ATAD2B: variants seen among roughly 807,000 people sequenced by gnomAD.
ATAD2B encodes the protein ATPase family AAA domain containing 2B.
ATAD2B carries 40 observed loss-of-function variants against 167.6 expected under a neutral mutation model. That is an observed-to-expected ratio of 0.24 (90% confidence interval 0.19 to 0.31). The LOEUF is 0.31. Ranked by LOEUF, ATAD2B falls within the 10% of genes least tolerant of loss-of-function variation. The pLI, the probability that ATAD2B is intolerant of heterozygous loss-of-function variation, is 1.00. For synonymous variants in ATAD2B, 579 were observed against 596.5 expected (o/e 0.97, Z 0.43); for missense variants, 1,242 against 1,757.2 (o/e 0.71, Z 5.24).
chr2:23,775,736 C>A (rs1679004468), intron 22 of ATAD2B, among the ~76,000 whole-genome samples: 1 of 152,128 alleles, frequency 6.6e-6, no homozygotes, highest in Admixed American at 6.6e-5. Flanking sequence ...AGGGGCCCTC[C>A]TGGGCTCCTC....
the ATAD2B span, among the ~76,000 whole-genome samples, chr2:23,737,915 T>C: frequency 6.6e-6 from 1 of 152,256 alleles, no homozygotes; most frequent in Non-Finnish European, 1.5e-5. Context: ...GAAGCCTCAG[T>C]AGCCGATGCG....
At chr2:23,731,011 C>T in the ATAD2B span, among the ~76,000 whole-genome samples, 1 of 151,994 alleles carries the variant, frequency 6.6e-6, no homozygotes, top group Non-Finnish European at 1.5e-5. Flanking sequence ...AGATTACAAA[C>T]TTACAAAGAT....
At chr2:23,777,126 A>C (rs1679265359) in intron 22 of ATAD2B, among the ~76,000 whole-genome samples, 1 of 152,192 alleles carries the variant, frequency 6.6e-6, no homozygotes, top group Non-Finnish European at 1.5e-5. Context: ...GTGAGGACAC[A>C]GAGAGAAGGA....
chr2:23,827,234 G>A (rs980786477), intron 15 of ATAD2B, among the ~76,000 whole-genome samples: 1 of 151,698 alleles, frequency 6.6e-6, no homozygotes, highest in Admixed American at 6.6e-5. Flanking sequence ...CCCCACAGAG[G>A]GGAGGGAAAA....
At chr2:23,686,657 G>A in the ATAD2B span, among the ~76,000 whole-genome samples, 19 of 152,130 alleles carry the variant, frequency 1.2e-4, no homozygotes, top group Non-Finnish European at 2.8e-4. Flanking sequence ...GGGAGAGCTG[G>A]GGAGATGAGC....
intron 13 of ATAD2B, among the ~76,000 whole-genome samples, chr2:23,851,327 G>C (rs544738716): frequency 1.1e-4 from 16 of 152,254 alleles, no homozygotes; most frequent in African/African-American, 3.9e-4. Flanking sequence ...TTTTAGTAGA[G>C]ACACGGTTTT....
At position 23,838,893 on chromosome 2, in the gene ATAD2B, G is replaced by C. The variant is rs148279942; in HGVS notation, c.1569-4815C>G. Among the ~76,000 whole-genome samples the C allele has an allele frequency of 7.2e-5, 11 of 152,130 alleles. No individual in the cohort carries two copies. In the East Asian group the frequency reaches 2.1e-3, roughly 29 times the overall value. On this transcript the variant is annotated intron_variant, in intron 13 of 27. Coordinates refer to ENST00000238789, the MANE Select transcript of ATAD2B (RefSeq NM_017552.4). ...GAGGCCTTAATAACTAGTAGAGCAA[G>C]TGCTCCCACCTTATAGAAGAAAAGA...
intron 21 of ATAD2B, among the ~76,000 whole-genome samples, chr2:23,784,418 G>A (rs929707970): frequency 1.1e-4 from 16 of 151,948 alleles, no homozygotes; most frequent in Non-Finnish European, 2.4e-4. Flanking sequence ...AGAGCAGAAC[G>A]AACCTAAGAA....
chr2:23,818,095 TTACAC>T (rs1558590608), intron 17 of ATAD2B, among the ~76,000 whole-genome samples: 10 of 12,898 alleles, frequency 7.8e-4, no homozygotes, highest in South Asian at 2.7e-3. Context: ...CACACACACA[TTACAC>T]ACACACACAC....
chr2:23,725,802 T>C, the ATAD2B span, among the ~76,000 whole-genome samples: 1 of 152,172 alleles, frequency 6.6e-6, no homozygotes, highest in Non-Finnish European at 1.5e-5. Flanking sequence ...TGTAAAAATG[T>C]AAACCACCTA....
At chr2:23,792,347 A>C (rs1178544367) in intron 19 of ATAD2B, among the ~76,000 whole-genome samples, 1 of 151,856 alleles carries the variant, frequency 6.6e-6, no homozygotes, top group Non-Finnish European at 1.5e-5. Context: ...GCACCTGGCC[A>C]ACCTTTTTGT....
intron 1 of ATAD2B, among the ~76,000 whole-genome samples, chr2:23,908,784 A>G (rs2150506922): frequency 6.6e-6 from 1 of 152,216 alleles, no homozygotes; most frequent in Non-Finnish European, 1.5e-5. Context: ...TGGCACATAT[A>G]CACCATGGAA....
chr2:23,834,007 G>A lies in ATAD2B; in HGVS notation c.1640C>T (p.Ala547Val). ...DNRGEIVVIG[A>V]TNRLDSIDPA... ...ATCTATAGAGTCAAGTCTGTTTGTA[G>A]CACCAATAACAACAATTTCACCCCT... The change falls in exon 14 of 28, where the codon GCT becomes GTT. Residue 547 changes from alanine to valine, a missense_variant. By Grantham distance (64) the Ala-to-Val change is moderately conservative. This residue lies in a region of ATAD2B where 151 missense variants were observed against 284.1 expected (regional missense o/e 0.53). Transcript: ENST00000238789. 1 of 1,612,746 alleles carries A rather than the reference G, an allele frequency of 6.2e-7. No individual in the cohort carries two copies. Among genetic ancestry groups the A allele is most frequent in the Non-Finnish European group, 8.5e-7 (1 of 1,179,010 alleles).
chr2:23,748,100 C>T (rs914236499), downstream of ATAD2B, among the ~76,000 whole-genome samples: 2 of 151,974 alleles, frequency 1.3e-5, no homozygotes, highest in Non-Finnish European at 2.9e-5. Flanking sequence ...AACTAAAATC[C>T]ATCTTTTTTA....
chr2:23,762,163 T>G, intron 24 of ATAD2B, 46 bp downstream of exon 24: 1 of 1,592,448 alleles, frequency 6.3e-7, no homozygotes, highest in Non-Finnish European at 8.6e-7. Context: ...ATCTACATCA[T>G]TCTCAGTTGT....
intron 13 of ATAD2B, among the ~76,000 whole-genome samples, chr2:23,840,143 C>G (rs889788045): frequency 6.6e-6 from 1 of 152,100 alleles, no homozygotes; most frequent in African/African-American, 2.4e-5. Flanking sequence ...TTGATGGCCA[C>G]CTGGATTGTT....
At chr2:23,850,551 T>C (rs1439018073) in intron 13 of ATAD2B, among the ~76,000 whole-genome samples, 1 of 152,170 alleles carries the variant, frequency 6.6e-6, no homozygotes. Flanking sequence ...GAAGCCAATC[T>C]GAAAAAACTA....
chr2:23,687,617 CAG>C, the ATAD2B span, among the ~76,000 whole-genome samples: 13 of 152,312 alleles, frequency 8.5e-5, no homozygotes, highest in East Asian at 2.3e-3. Context: ...GACGATGCTT[CAG>C]AGACTTGTGG....
At chr2:23,696,570 C>T in the ATAD2B span, 2 of 1,348,056 alleles carry the variant, frequency 1.5e-6, no homozygotes, top group Non-Finnish European at 2.0e-6. The surrounding 1 kb of genome is among the most constrained non-coding windows in gnomAD (Gnocchi z 5.5). Context: ...GAACTGAAAT[C>T]ACGTCACTCA....
Sources: gnomAD v4.1 joint callset for allele counts (sites outside exome capture counted in the v4.1 genomes callset) on GRCh38, gnomAD v4.1.1 for gene constraint, gnomAD v4.1.1 regional missense constraint, Gnocchi (gnomAD v3.1) non-coding constraint, MANE v1.5 for transcripts, NCBI Gene and HGNC (gene_info 2026-07-23, HGNC 2026-07-21) for gene names.